DCC: variants seen among roughly 807,000 people sequenced by gnomAD.
DCC encodes netrin receptor DCC.
A neutral mutation model predicts 172.5 loss-of-function variants in DCC; 58 were observed. The ratio of observed to expected loss-of-function variants is 0.34; its 90% confidence interval spans 0.27 to 0.42. The LOEUF is 0.42. DCC is among the 10% of genes least tolerant of loss of function. The probability of loss-of-function intolerance (pLI) is 1.00; values close to 1 mark genes in which losing one functional copy is unlikely to be tolerated. For missense variants in DCC, 1,740 were observed against 1,791.0 expected (o/e 0.97, Z 0.51); for synonymous variants, 709 against 644.5 (o/e 1.10, Z -1.52).
chr18:53,521,941 A>T (rs1273700907), intron 27 of DCC, among the ~76,000 whole-genome samples: 1 of 152,114 alleles, frequency 6.6e-6, no homozygotes, highest in Non-Finnish European at 1.5e-5. Flanking sequence ...AGCTTCTGGA[A>T]GGTGCTAAGA....
At chr18:53,185,878 A>G (rs776462086) in intron 9 of DCC, among the ~76,000 whole-genome samples, 1 of 152,236 alleles carries the variant, frequency 6.6e-6, no homozygotes, top group Non-Finnish European at 1.5e-5. Flanking sequence ...AAAATAATAG[A>G]CATGATTTTT....
chr18:52,904,497 C>T (rs1192722894), intron 2 of DCC, among the ~76,000 whole-genome samples: 1 of 152,126 alleles, frequency 6.6e-6, no homozygotes, highest in Non-Finnish European at 1.5e-5. Context: ...TTACCTTTGC[C>T]CTTTTGGCCA....
chr18:52,462,967 C>T (rs1165380531), intron 1 of DCC, among the ~76,000 whole-genome samples: 8 of 152,164 alleles, frequency 5.3e-5, no homozygotes, highest in African/African-American at 1.9e-4. Context: ...TTCTCTGCTG[C>T]CTGATAGTGG....
chr18:53,423,672 AC>A (rs1910756222), intron 21 of DCC, among the ~76,000 whole-genome samples: 1 of 152,034 alleles, frequency 6.6e-6, no homozygotes. Flanking sequence ...TTTTCATAAC[AC>A]CCATCCTATT....
intron 5 of DCC, among the ~76,000 whole-genome samples, chr18:53,030,121 T>C (rs1319933318): frequency 1.3e-5 from 2 of 152,202 alleles, no homozygotes; most frequent in African/African-American, 2.4e-5. Context: ...CAATGCACTT[T>C]GTTTTAGGTT....
chr18:52,402,407 A>C (rs886481314), intron 1 of DCC, among the ~76,000 whole-genome samples: 9 of 151,978 alleles, frequency 5.9e-5, no homozygotes, highest in African/African-American at 2.2e-4. Context: ...CCACTATAAC[A>C]GTTCATTTTA....
intron 5 of DCC, among the ~76,000 whole-genome samples, chr18:52,971,478 G>A (rs2041028936): frequency 6.6e-6 from 1 of 151,784 alleles, no homozygotes. Flanking sequence ...ATCGCCTTGA[G>A]ATACAGGGAG....
At chr18:52,374,333 G>A (rs1399065390) in intron 1 of DCC, among the ~76,000 whole-genome samples, 4 of 152,046 alleles carry the variant, frequency 2.6e-5, no homozygotes, top group East Asian at 1.9e-4. Flanking sequence ...TTTCCCTTAC[G>A]ATCCAAGCTG....
intron 1 of DCC, among the ~76,000 whole-genome samples, chr18:52,606,453 T>C (rs1040364927): frequency 2.6e-5 from 4 of 152,164 alleles, no homozygotes; most frequent in African/African-American, 7.2e-5. Context: ...TAGTACTCTA[T>C]GGAAAGAAAA....
intron 12 of DCC, among the ~76,000 whole-genome samples, chr18:53,216,404 T>C (rs2055850108): frequency 6.6e-6 from 1 of 152,180 alleles, no homozygotes; most frequent in South Asian, 2.1e-4. Context: ...AGAGAAATGA[T>C]ACAGGTCTTA....
chr18:52,888,499 A>T (rs920720797), intron 2 of DCC, among the ~76,000 whole-genome samples: 1 of 152,122 alleles, frequency 6.6e-6, no homozygotes, highest in Admixed American at 6.6e-5. Flanking sequence ...GACTATTACC[A>T]TTTCTCTAAA....
intron 8 of DCC, among the ~76,000 whole-genome samples, chr18:53,178,414 T>C (rs1457340582): frequency 6.6e-6 from 1 of 152,196 alleles, no homozygotes; most frequent in Non-Finnish European, 1.5e-5. Flanking sequence ...CAGGAAGGAA[T>C]CTACTTCCTT....
chr18:52,707,492 T>G (rs1387190909), intron 1 of DCC, among the ~76,000 whole-genome samples: 2 of 152,152 alleles, frequency 1.3e-5, no homozygotes, highest in African/African-American at 4.8e-5. Flanking sequence ...GATCCAACAA[T>G]CTCACTACTG....
intron 8 of DCC, among the ~76,000 whole-genome samples, chr18:53,165,093 A>T (rs1460835567): frequency 6.6e-6 from 1 of 152,200 alleles, no homozygotes; most frequent in Non-Finnish European, 1.5e-5. Context: ...TTTTATGAGC[A>T]TCATTCAATT....
At chr18:52,524,251 T>C (rs2031908942) in intron 1 of DCC, among the ~76,000 whole-genome samples, 1 of 152,244 alleles carries the variant, frequency 6.6e-6, no homozygotes, top group Admixed American at 6.5e-5. Context: ...TTCAATAGTA[T>C]GTTTCTCTCT....
chr18:52,452,607 G>A (rs556333133), intron 1 of DCC, among the ~76,000 whole-genome samples: 9 of 152,266 alleles, frequency 5.9e-5, no homozygotes, highest in East Asian at 3.9e-4. Flanking sequence ...GTGAGCTGCC[G>A]TTGTTGCCAA....
chr18:53,500,643 G>A (rs965568203), intron 27 of DCC, among the ~76,000 whole-genome samples: 2 of 151,770 alleles, frequency 1.3e-5, no homozygotes, highest in African/African-American at 4.8e-5. Flanking sequence ...CACCTCTGAT[G>A]TTCTCAACAT....
Position 53,136,213 on chromosome 18 carries a change from A to ATCTATCTATCTATCTATC in DCC, c.1262-21142_1262-21141insCTATCTATCTATCTATCT, listed in dbSNP as rs1488952479. Among the ~76,000 whole-genome samples the ATCTATCTATCTATCTATC allele has an allele frequency of 4.6e-4, 34 of 73,902 alleles. 1 individual carries two copies. The highest frequency in any genetic ancestry group is 3.2e-3 in the East Asian group (4 of 1,262). The allele number at this position is 73,902 out of a possible 152,430, so 48.5% of individuals were successfully genotyped here. On this transcript the variant is annotated intron_variant, in intron 7 of 28. Transcript: ENST00000442544. Reference sequence around the variant, plus strand: ...TGATTTTATCTATCTATCTATCTATATATATATACACACACACACACATAC... The same window carrying ATCTATCTATCTATCTATC: ...TGATTTTATCTATCTATCTATCTATATCTATCTATCTATCTATCTATATATACACACACACACACATAC...
At chr18:52,468,313 G>A (rs1361241850) in intron 1 of DCC, among the ~76,000 whole-genome samples, 1 of 152,162 alleles carries the variant, frequency 6.6e-6, no homozygotes, top group Non-Finnish European at 1.5e-5. Flanking sequence ...ACAAAAAATT[G>A]TCCATCGAAA....
Sources: gnomAD v4.1 joint callset for allele counts (sites outside exome capture counted in the v4.1 genomes callset) on GRCh38, gnomAD v4.1.1 for gene constraint, MANE v1.5 for transcripts, NCBI Gene and HGNC (gene_info 2026-07-23, HGNC 2026-07-21) for gene names.